Variants in NET1 observed in about 807,000 individuals in gnomAD.
NET1 encodes the protein neuroepithelial cell transforming 1, also known as neuroepithelial cell-transforming gene 1 protein.
Under a neutral mutation model 61.1 loss-of-function variants are expected in NET1, and 42 were observed. The ratio of observed to expected loss-of-function variants is 0.69; its 90% CI spans 0.54 to 0.89. NET1 has a LOEUF of 0.89. NET1 is among the 40% of genes least tolerant of loss of function. The pLI, the probability that NET1 is intolerant of heterozygous loss-of-function variation, is 0.00. For synonymous variants in NET1, 254 were observed against 281.8 expected (o/e 0.90, Z 0.99); for missense variants, 654 against 747.3 (o/e 0.88, Z 1.46).
chr10:5,426,690 T>C lies in NET1; in HGVS notation c.164T>C (p.Leu55Ser), dbSNP rs749357959. The C allele has an allele frequency of 6.2e-7, 1 of 1,605,946 alleles. No homozygotes were observed. Among genetic ancestry groups the C allele is most frequent in the Non-Finnish European group, 8.5e-7 (1 of 1,176,874 alleles). Residue 55 changes from leucine to serine, a missense_variant, in exon 2 of 12, where the codon TTA becomes TCA. Transcript: ENST00000355029. The surrounding 1 kb of genome is among the most constrained non-coding windows in gnomAD (Gnocchi z 4.6). ...CGGAGAGGCAGCTCCTTCACATTCT[T>C]AACACCTGGCCCCAACTGGGACTTC... ...SLRRGSSFTFLTPGPNWDFTL... is the reference protein window; with the variant it reads ...SLRRGSSFTFSTPGPNWDFTL...
rs929466543 is a variant in NET1, at chr10:5,423,111, G to A, written c.129-3544G>A. Among the ~76,000 whole-genome samples, 1 of 152,122 alleles carries A rather than the reference G, an allele frequency of 6.6e-6. No homozygotes were observed. Among genetic ancestry groups the A allele is most frequent in the Admixed American group, 6.6e-5 (1 of 15,264 alleles). ...GTCACATAGTAGGCACCCAATAAAT[G>A]ATAACATTATCCTTTTTAAAATCTT... On this transcript the variant is annotated intron_variant, in intron 1 of 11. Transcript: ENST00000355029. The surrounding 1 kb of genome is among the most constrained non-coding windows in gnomAD (Gnocchi z 4.4).
chr10:5,456,571 CCAATTTTTTTTTT>C lies in NET1; in HGVS notation c.1385-14_1385-2del. On this transcript the variant is annotated splice_polypyrimidine_tract_variant and splice_region_variant and intron_variant, in intron 11 of 11. Transcript: ENST00000355029. This position sits in a 1 kb window ranked among gnomAD's most constrained non-coding sequence, Gnocchi z 7.0. ...TTTTAGCCTGATTTCTTTTTTTTTT[CCAATTTTTTTTTT>C]CAGCTAAAAATATCTTTAGAATTCG... 1 of 1,487,424 alleles carries C rather than the reference CCAATTTTTTTTTT, an allele frequency of 6.7e-7. No individual in the cohort carries two copies. The highest frequency in any genetic ancestry group is 9.0e-7 in the Non-Finnish European group (1 of 1,116,926). The allele number at this position is 1,487,424 out of a possible 1,614,324, so 92.1% of individuals were successfully genotyped here.
chr10:5,435,493 A>G lies in NET1; in HGVS notation c.255+6264A>G, dbSNP rs1332397217. ...GTGCCTGAGATAGATAGATAGATAG[A>G]TAGATAGATAGATAGATAGATAGAT... On this transcript the variant is annotated intron_variant, in intron 3 of 11. Coordinates refer to ENST00000355029, the MANE Select transcript of NET1 (RefSeq NM_001047160.3). This position sits in a 1 kb window ranked among gnomAD's most constrained non-coding sequence, Gnocchi z 5.0. Among the ~76,000 whole-genome samples the G allele has an allele frequency of 1.4e-4, 1 of 7,058 alleles. No homozygotes were observed. The highest frequency in any genetic ancestry group is 6.7e-4 in the Non-Finnish European group (1 of 1,484). 4.6% of individuals were successfully genotyped at this position (7,058 alleles called of 152,430 possible). A position where few individuals can be genotyped will look rare whatever the true frequency, so the allele number is the denominator to read the frequency against.
intron 1 of NET1, among the ~76,000 whole-genome samples, chr10:5,425,142 T>C (rs1038207632): frequency 5.9e-5 from 9 of 152,242 alleles, no homozygotes; most frequent in Non-Finnish European, 1.5e-5. Context: ...TGTTAATTGC[T>C]ATTTTTCTTT....
chr10:5,458,959 T>C lies in NET1; in HGVS notation c.*1965T>C, dbSNP rs1000216120. On this transcript the variant is annotated 3_prime_UTR_variant, in exon 12 of 12. Coordinates refer to ENST00000355029, the MANE Select transcript of NET1 (RefSeq NM_001047160.3). The surrounding 1 kb of genome is among the most constrained non-coding windows in gnomAD (Gnocchi z 4.5). ...AGTTCAAGTGTTGTTAATGGAATTATGTTTTATTTAAAACCGTATCTTCTT... is the reference window on the plus strand; with the variant it reads ...AGTTCAAGTGTTGTTAATGGAATTACGTTTTATTTAAAACCGTATCTTCTT... Among the ~76,000 whole-genome samples the C allele has an allele frequency of 3.3e-5, 5 of 152,364 alleles. No homozygotes were observed. Among genetic ancestry groups the C allele is most frequent in the African/African-American group, 9.6e-5 (4 of 41,592 alleles).
intron 2 of NET1, 118 bp from the exon 3 acceptor site, chr10:5,429,052 G>A: frequency 1.4e-6 from 1 of 699,574 alleles, no homozygotes; most frequent in Non-Finnish European, 2.3e-6. Flanking sequence ...ATTTTCTTGT[G>A]ACTATAGCCA....
rs1832154982 is a variant in NET1 at position 5,420,520 on chromosome 10, A to G, written c.129-6135A>G. ...GTTTTCTATGTAGATATTCCCTACA[A>G]TATGACAGGCCTCTTAACGTCTTTC... On this transcript the variant is annotated intron_variant, in intron 1 of 11. Transcript: ENST00000355029. The surrounding 1 kb of genome is among the most constrained non-coding windows in gnomAD (Gnocchi z 5.3). 6.6e-6 allele frequency among the ~76,000 whole-genome samples: 1 copy of G among 152,230 alleles called. No homozygotes were observed.
chr10:5,447,437 A>G lies in NET1; in HGVS notation c.256-4393A>G, dbSNP rs1832632459. Among the ~76,000 whole-genome samples the G allele has an allele frequency of 6.6e-6, 1 of 152,216 alleles. No homozygotes were observed. Among genetic ancestry groups the G allele is most frequent in the African/African-American group, 2.4e-5 (1 of 41,458 alleles). ...TCTTTATGAACATTTATCAATATAAATCAAATTACTTTATGCCATTTTATG... is the reference window on the plus strand; with the variant it reads ...TCTTTATGAACATTTATCAATATAAGTCAAATTACTTTATGCCATTTTATG... On this transcript the variant is annotated intron_variant, in intron 3 of 11. Transcript: ENST00000355029. This position sits in a 1 kb window ranked among gnomAD's most constrained non-coding sequence, Gnocchi z 4.1.
At position 5,416,115 on chromosome 10, in the gene NET1, A is replaced by G. The variant is rs1016604560; in HGVS notation, c.128+3295A>G. Among the ~76,000 whole-genome samples, 3 of 152,170 alleles carry G rather than the reference A, an allele frequency of 2.0e-5. No individual in the cohort carries two copies. The highest frequency in any genetic ancestry group is 4.4e-5 in the Non-Finnish European group (3 of 68,014). ...CAACTTAATTCTTTTTCATGTGTCT[A>G]TCCAGGTACCCCAGCACCATTTTTT... On this transcript the variant is annotated intron_variant, in intron 1 of 11. Transcript: ENST00000355029. The surrounding 1 kb of genome is among the most constrained non-coding windows in gnomAD (Gnocchi z 6.1).
At chr10:5,429,260 AT>A in intron 3 of NET1, 31 bp downstream of exon 3, 1 of 1,427,506 alleles carries the variant, frequency 7.0e-7, no homozygotes, top group Non-Finnish European at 9.7e-7. Flanking sequence ...AAAGAAAAGC[AT>A]TTAAAAATAT....
In NET1 at chr10:5,435,821, T is replaced by C. The variant is rs1832420928; in HGVS notation, c.255+6592T>C. 6.6e-6 allele frequency among the ~76,000 whole-genome samples: 1 copy of C among 152,172 alleles called. No homozygotes were observed. The highest frequency in any genetic ancestry group is 1.5e-5 in the Non-Finnish European group (1 of 68,030). On this transcript the variant is annotated intron_variant, in intron 3 of 11. Transcript: ENST00000355029. This position sits in a 1 kb window ranked among gnomAD's most constrained non-coding sequence, Gnocchi z 5.0. The stretch of plus-strand genomic sequence containing the variant: ...AGGTAAAATTTCAGCCTTGTCTTAC[T>C]AGGCTGACTTACTTCTGTATTATAT...
rs140707357 is a variant in NET1, at chr10:5,453,533, G to A, written c.741G>A (p.Glu247=). 2.2e-4 allele frequency: 352 copies of A among 1,614,162 alleles called. No individual in the cohort carries two copies. The African/African-American group carries it at 4.1e-3, about 19-fold the overall frequency. The change falls in exon 8 of 12, where the codon GAG becomes GAA. Residue 247 remains glutamate (E), a synonymous_variant. Coordinates refer to ENST00000355029, the MANE Select transcript of NET1 (RefSeq NM_001047160.3). The surrounding 1 kb of genome is among the most constrained non-coding windows in gnomAD (Gnocchi z 4.9). ...GEATKPDGTV[E]QIGHILVSWL... Reference sequence around the variant, plus strand: ...CAACCAAGCCTGATGGAACAGTGGAGCAGATTGGTCACATTCTCGTGAGCT... The same window carrying A: ...CAACCAAGCCTGATGGAACAGTGGAACAGATTGGTCACATTCTCGTGAGCT...
chr10:5,421,040 G>GGAGA lies in NET1; in HGVS notation c.129-5615_129-5614insGAGA, dbSNP rs551631532. Reference sequence around the variant, plus strand: ...CTAATTATTTTCTGTCTTCTCCTTTGAGAATGTATATTCTTTTAACATTCT... The same window carrying GGAGA: ...CTAATTATTTTCTGTCTTCTCCTTTGGAGAAGAATGTATATTCTTTTAACATTCT... On this transcript the variant is annotated intron_variant, in intron 1 of 11. Coordinates refer to ENST00000355029, the MANE Select transcript of NET1 (RefSeq NM_001047160.3). This position sits in a 1 kb window ranked among gnomAD's most constrained non-coding sequence, Gnocchi z 4.2. Among the ~76,000 whole-genome samples, 740 of 152,270 alleles carry GGAGA rather than the reference G, an allele frequency of 4.9e-3. 5 individuals are homozygous for GGAGA. Among genetic ancestry groups the GGAGA allele is most frequent in the Non-Finnish European group, 7.3e-3 (499 of 68,024 alleles).
intron 3 of NET1, among the ~76,000 whole-genome samples, chr10:5,442,940 T>C (rs748043280): frequency 2.6e-5 from 4 of 152,094 alleles, no homozygotes; most frequent in Admixed American, 6.5e-5. Flanking sequence ...GGAACTATTT[T>C]ATTATCTTTT....
At position 5,458,068 on chromosome 10, in the gene NET1, G is replaced by T. The variant is rs572338575; in HGVS notation, c.*1074G>T. The T allele has an allele frequency of 6.6e-6, 1 of 152,268 alleles. No individual in the cohort carries two copies. Among genetic ancestry groups the T allele is most frequent in the Non-Finnish European group, 1.5e-5 (1 of 68,016 alleles). 9.4% of individuals were successfully genotyped at this position (152,268 alleles called of 1,614,324 possible). A position where few individuals can be genotyped will look rare whatever the true frequency, so the allele number is the denominator to read the frequency against. On this transcript the variant is annotated 3_prime_UTR_variant, in exon 12 of 12. Coordinates refer to ENST00000355029, the MANE Select transcript of NET1 (RefSeq NM_001047160.3). The surrounding 1 kb of genome is among the most constrained non-coding windows in gnomAD (Gnocchi z 4.5). ...GATAGGAGAAGCTCAACTTGAGGGC[G>T]TGTAGTAAGTTGTAGAAGGCTCGAG... is the stretch of plus-strand genomic sequence containing the variant.
In NET1 at chr10:5,422,253, C is replaced by T. The variant is rs1482929436; in HGVS notation, c.129-4402C>T. On this transcript the variant is annotated intron_variant, in intron 1 of 11. Transcript: ENST00000355029. The surrounding 1 kb of genome is among the most constrained non-coding windows in gnomAD (Gnocchi z 4.1). Reference sequence around the variant, plus strand: ...TCGGGAGATTGAGGCAGGAGAATCGCTTGAACCCTGGAGGCGGAGGTTGTA... The same window carrying T: ...TCGGGAGATTGAGGCAGGAGAATCGTTTGAACCCTGGAGGCGGAGGTTGTA... Among the ~76,000 whole-genome samples the T allele has an allele frequency of 6.6e-6, 1 of 151,936 alleles. No homozygotes were observed. Among genetic ancestry groups the T allele is most frequent in the Non-Finnish European group, 1.5e-5 (1 of 68,008 alleles).
Position 5,441,926 on chromosome 10 carries a change from T to G in NET1, c.256-9904T>G, listed in dbSNP as rs1832529429. On this transcript the variant is annotated intron_variant, in intron 3 of 11. Transcript: ENST00000355029. The surrounding 1 kb of genome is among the most constrained non-coding windows in gnomAD (Gnocchi z 4.6). ...AATTTTATTTTTAACTAACCTATTT[T>G]TAGTGAGATACAGAGTATATGCTTG... Among the ~76,000 whole-genome samples the G allele has an allele frequency of 6.6e-6, 1 of 152,208 alleles. No individual in the cohort carries two copies. The highest frequency in any genetic ancestry group is 2.4e-5 in the African/African-American group (1 of 41,470).
chr10:5,439,781 A>G lies in NET1; in HGVS notation c.255+10552A>G, dbSNP rs80256408. ...CACAGCATCTTTGTCTACCATAAATACCCAACCTTGATGTGATATACCAGG... is the reference window on the plus strand; with the variant it reads ...CACAGCATCTTTGTCTACCATAAATGCCCAACCTTGATGTGATATACCAGG... On this transcript the variant is annotated intron_variant, in intron 3 of 11. Transcript: ENST00000355029. This position sits in a 1 kb window ranked among gnomAD's most constrained non-coding sequence, Gnocchi z 4.8. 6.5e-3 allele frequency among the ~76,000 whole-genome samples: 989 copies of G among 152,250 alleles called. 37 individuals are homozygous for G. The East Asian group carries it at 0.11, about 16-fold the overall frequency.
At chr10:5,432,062 A>AT (rs1055166581) in intron 3 of NET1, among the ~76,000 whole-genome samples, 1 of 151,824 alleles carries the variant, frequency 6.6e-6, no homozygotes, top group East Asian at 1.9e-4. Flanking sequence ...TGCAGGTCCT[A>AT]TTTTTTTGCT....
Sources: gnomAD v4.1 joint callset for allele counts (sites outside exome capture counted in the v4.1 genomes callset) on GRCh38, gnomAD v4.1.1 for gene constraint, Gnocchi (gnomAD v3.1) non-coding constraint, MANE v1.5 for transcripts, NCBI Gene and HGNC (gene_info 2026-07-23, HGNC 2026-07-21) for gene names.